The following MYO5A variants were observed in gnomAD, a reference collection of about 807,000 sequenced individuals.
MYO5A encodes the protein myosin VA.
A neutral mutation model predicts 249.7 loss-of-function variants in MYO5A; 98 were observed. The ratio of observed to expected loss-of-function variants is 0.39; its 90% CI spans 0.33 to 0.46. MYO5A has a LOEUF of 0.46. Ranked by LOEUF, MYO5A falls within the 20% of genes least tolerant of loss-of-function variation. MYO5A has a pLI of 0.98. For synonymous variants in MYO5A, 778 were observed against 810.6 expected (o/e 0.96, Z 0.68); for missense variants, 1,696 against 2,308.8 (o/e 0.73, Z 5.44).
chr15:52,492,081 G>A (rs1287666517), intron 1 of MYO5A, among the ~76,000 whole-genome samples: 3 of 152,102 alleles, frequency 2.0e-5, no homozygotes, highest in Non-Finnish European at 2.9e-5. Flanking sequence ...TAATATTAAG[G>A]AATTATAAAC....
At chr15:52,414,584 T>C (rs1403258906) in intron 5 of MYO5A, among the ~76,000 whole-genome samples, 1 of 152,168 alleles carries the variant, frequency 6.6e-6, no homozygotes. Flanking sequence ...TAGTATTATA[T>C]GGTCCAGGCC....
chr15:52,392,582 T>G (rs969925266), intron 11 of MYO5A, among the ~76,000 whole-genome samples: 2 of 152,252 alleles, frequency 1.3e-5, no homozygotes, highest in Non-Finnish European at 2.9e-5. Context: ...GCCCTGATTA[T>G]CTGTGATAGT....
intron 1 of MYO5A, among the ~76,000 whole-genome samples, chr15:52,502,667 T>A (rs545746248): frequency 6.6e-6 from 1 of 152,346 alleles, no homozygotes; most frequent in South Asian, 2.1e-4. Flanking sequence ...AAAAGGCAGA[T>A]GAACACATAC....
intron 28 of MYO5A, among the ~76,000 whole-genome samples, chr15:52,350,694 A>C (rs1335401862): frequency 1.3e-5 from 2 of 152,186 alleles, no homozygotes; most frequent in African/African-American, 2.4e-5. Flanking sequence ...AAGGACTTCA[A>C]AGGGCCATCT....
chr15:52,388,000 A>T, intron 13 of MYO5A, 88 bp from the exon 14 acceptor site: 1 of 978,986 alleles, frequency 1.0e-6, no homozygotes, highest in South Asian at 1.4e-5. Flanking sequence ...TATTAGTCTC[A>T]GGCTATACGA....
intron 1 of MYO5A, among the ~76,000 whole-genome samples, chr15:52,528,508 G>T (rs1398992573): frequency 6.6e-6 from 1 of 152,186 alleles, no homozygotes. Context: ...TTTCCACTCC[G>T]AAGCCCGCTC....
At chr15:52,384,429 G>C (rs2041890304) in intron 14 of MYO5A, 107 bp from the exon 15 acceptor site, 1 of 1,125,738 alleles carries the variant, frequency 8.9e-7, no homozygotes. Context: ...ATCACTGTCA[G>C]AGTCACACTC....
chr15:52,420,998 G>A (rs748012780), intron 4 of MYO5A, among the ~76,000 whole-genome samples: 10 of 152,166 alleles, frequency 6.6e-5, no homozygotes, highest in Non-Finnish European at 1.5e-4. Context: ...GGGATATAAT[G>A]AGGATTACAT....
In MYO5A at chr15:52,412,170, T is replaced by C. The variant is rs551002206; in HGVS notation, c.613-1694A>G. ...TCAATAAACACTCAATAAATATTAG[T>C]AACTGTCCTAAGCACTTTCCTGCCA... On this transcript the variant is annotated intron_variant, in intron 5 of 41. Coordinates refer to ENST00000399233, the MANE Select transcript of MYO5A (RefSeq NM_001382347.1). Among the ~76,000 whole-genome samples the C allele has an allele frequency of 2.6e-5, 4 of 152,300 alleles. No individual in the cohort carries two copies. The South Asian group carries it at 8.3e-4, about 32-fold the overall frequency.
At chr15:52,384,601 G>T (rs149733808) in intron 14 of MYO5A, among the ~76,000 whole-genome samples, 1 of 152,266 alleles carries the variant, frequency 6.6e-6, no homozygotes. Flanking sequence ...TAATCCACAG[G>T]AAGTGACAAA....
intron 22 of MYO5A, among the ~76,000 whole-genome samples, chr15:52,368,840 T>G (rs865920493): frequency 2.6e-5 from 4 of 152,202 alleles, no homozygotes; most frequent in Non-Finnish European, 5.9e-5. Flanking sequence ...TCTATCAGAC[T>G]AGAAAGGCAA....
intron 20 of MYO5A, 80 bp downstream of exon 20, chr15:52,375,224 C>T (rs760422241): frequency 3.2e-5 from 45 of 1,417,580 alleles, no homozygotes; most frequent in Non-Finnish European, 4.5e-5. Context: ...TTCATTGTAG[C>T]CCCTGTGGTA....
At chr15:52,497,564 C>T (rs2077063614) in intron 1 of MYO5A, among the ~76,000 whole-genome samples, 1 of 151,020 alleles carries the variant, frequency 6.6e-6, no homozygotes, top group South Asian at 2.1e-4. Context: ...CGTGACCAGC[C>T]TGGGCAACAT....
At chr15:52,395,750 T>G (rs1047475641) in intron 11 of MYO5A, among the ~76,000 whole-genome samples, 2 of 152,164 alleles carry the variant, frequency 1.3e-5, no homozygotes, top group African/African-American at 4.8e-5. Flanking sequence ...TCTGTGTCCT[T>G]CACTATTACA....
intron 40 of MYO5A, among the ~76,000 whole-genome samples, chr15:52,316,370 A>G (rs920616368): frequency 1.3e-5 from 2 of 151,844 alleles, no homozygotes; most frequent in Non-Finnish European, 2.9e-5. Flanking sequence ...TGCCCTTCTC[A>G]TTCTTCCACT....
intron 13 of MYO5A, among the ~76,000 whole-genome samples, chr15:52,388,148 T>C (rs1347595272): frequency 6.6e-6 from 1 of 152,218 alleles, no homozygotes; most frequent in East Asian, 1.9e-4. Flanking sequence ...GATTGTGATC[T>C]AAAAGATCCT....
chr15:52,446,789 G>A (rs772637832), intron 1 of MYO5A, among the ~76,000 whole-genome samples: 2 of 152,148 alleles, frequency 1.3e-5, no homozygotes, highest in Admixed American at 1.3e-4. Flanking sequence ...TAGTCAAACA[G>A]GATTATCTTG....
At chr15:52,507,984 T>C (rs910899375) in intron 1 of MYO5A, among the ~76,000 whole-genome samples, 5 of 152,164 alleles carry the variant, frequency 3.3e-5, no homozygotes, top group African/African-American at 9.7e-5. Context: ...TATATATGTA[T>C]GTATCTAATC....
chr15:52,502,301 T>TACAC (rs923452855), intron 1 of MYO5A, among the ~76,000 whole-genome samples: 23 of 151,992 alleles, frequency 1.5e-4, no homozygotes, highest in African/African-American at 5.6e-4. Flanking sequence ...TATACATACA[T>TACAC]ACATACATAC....
Sources: allele counts gnomAD v4.1 joint callset (sites outside exome capture counted in the v4.1 genomes callset), GRCh38; gene constraint gnomAD v4.1.1; transcripts MANE v1.5; gene names NCBI Gene and HGNC (gene_info 2026-07-23, HGNC 2026-07-21).